Variants in CHSY3 observed in about 807,000 individuals in gnomAD.
CHSY3 encodes N-acetylgalactosaminyl-proteoglycan 3-beta-glucuronosyltransferase 3.
A neutral mutation model predicts 67.2 loss-of-function variants in CHSY3; 35 were observed. That is an observed-to-expected ratio of 0.52 (90% CI 0.40 to 0.69). The LOEUF (loss-of-function observed/expected upper bound fraction) is 0.69. CHSY3 is among the 30% of genes least tolerant of loss of function. The pLI, the probability that CHSY3 is intolerant of heterozygous loss-of-function variation, is 0.00. For synonymous variants in CHSY3, 474 were observed against 434.7 expected (o/e 1.09, Z -1.12); for missense variants, 1,069 against 1,138.5 (o/e 0.94, Z 0.88).
chr5:130,160,136 C>T (rs1047476092), intron 2 of CHSY3, among the ~76,000 whole-genome samples: 3 of 152,142 alleles, frequency 2.0e-5, no homozygotes, highest in Admixed American at 2.0e-4. Context: ...AAATCTGGAG[C>T]AGATTGAGTA....
chr5:130,035,912 T>C (rs1009579829), intron 2 of CHSY3, among the ~76,000 whole-genome samples: 15 of 136,390 alleles, frequency 1.1e-4, no homozygotes, highest in African/African-American at 4.3e-4. Context: ...TTTTTTTTTT[T>C]AGTGTTGCTT....
At chr5:130,121,488 C>A (rs915143273) in intron 2 of CHSY3, among the ~76,000 whole-genome samples, 1 of 152,088 alleles carries the variant, frequency 6.6e-6, no homozygotes, top group Non-Finnish European at 1.5e-5. Flanking sequence ...ATTAAAGGAG[C>A]TTCCTGCACT....
chr5:130,112,038 G>A (rs1016713374), intron 2 of CHSY3, among the ~76,000 whole-genome samples: 2 of 152,054 alleles, frequency 1.3e-5, no homozygotes, highest in Non-Finnish European at 2.9e-5. Context: ...AAGGGGCTGA[G>A]CCTCACTTCA....
chr5:130,141,571 A>G (rs188563811), intron 2 of CHSY3: 13 of 438,262 alleles, frequency 3.0e-5, no homozygotes, highest in African/African-American at 1.2e-4. Flanking sequence ...CATTGAATGT[A>G]TGGTCCAGGA....
At position 130,107,100 on chromosome 5, in the gene CHSY3, A is replaced by G. The variant is rs950541455; in HGVS notation, c.1087-77129A>G. ...ATGGGTAACTAAGTTTATTAATATG[A>G]TTATTTAACATAACATTGATAATAA... On this transcript the variant is annotated intron_variant, in intron 2 of 2. Transcript: ENST00000305031. Among the ~76,000 whole-genome samples the G allele has an allele frequency of 2.9e-4, 44 of 151,252 alleles. 1 individual carries two copies. Among genetic ancestry groups the G allele is most frequent in the Non-Finnish European group, 3.0e-5 (2 of 67,534 alleles).
chr5:130,098,117 C>G (rs531312782), intron 2 of CHSY3, among the ~76,000 whole-genome samples: 2 of 152,228 alleles, frequency 1.3e-5, no homozygotes, highest in African/African-American at 4.8e-5. Flanking sequence ...ATGTCACAAT[C>G]AAGGTATTGA....
intron 2 of CHSY3, among the ~76,000 whole-genome samples, chr5:129,930,821 A>G (rs919429340): frequency 6.6e-6 from 1 of 152,186 alleles, no homozygotes; most frequent in Non-Finnish European, 1.5e-5. Context: ...ATACTCTCCT[A>G]CTGCTGGGGA....
intron 2 of CHSY3, among the ~76,000 whole-genome samples, chr5:130,103,883 T>G (rs1767331795): frequency 1.3e-5 from 2 of 151,936 alleles, no homozygotes; most frequent in African/African-American, 4.8e-5. Context: ...CTTGAACTAG[T>G]GACCATACAT....
chr5:130,062,631 A>T (rs554284396), intron 2 of CHSY3, among the ~76,000 whole-genome samples: 1 of 152,242 alleles, frequency 6.6e-6, no homozygotes, highest in Admixed American at 6.6e-5. Context: ...TAATTTTTTT[A>T]AATGCAGTGA....
chr5:130,039,397 T>A (rs530096472), intron 2 of CHSY3, among the ~76,000 whole-genome samples: 1 of 126,666 alleles, frequency 7.9e-6, no homozygotes, highest in African/African-American at 2.7e-5. Context: ...GTGGCTGAGG[T>A]GGGATGATCT....
At chr5:130,114,426 CG>C (rs1240426390) in intron 2 of CHSY3, 2 of 151,980 alleles carry the variant, frequency 1.3e-5, no homozygotes, top group Non-Finnish European at 2.9e-5. Context: ...CCACCATGAA[CG>C]CGCCCAATCT....
chr5:130,144,873 G>C (rs930866726), intron 2 of CHSY3, among the ~76,000 whole-genome samples: 1 of 152,182 alleles, frequency 6.6e-6, no homozygotes, highest in Non-Finnish European at 1.5e-5. Flanking sequence ...CAGTTCTGCA[G>C]GCTGTAAGCC....
At position 129,959,809 on chromosome 5, in the gene CHSY3, G is replaced by T. The variant is rs147061471; in HGVS notation, c.1086+51449G>T. Among the ~76,000 whole-genome samples the T allele has an allele frequency of 1.1e-4, 16 of 152,028 alleles. No individual in the cohort carries two copies. In the East Asian group the frequency reaches 3.1e-3, roughly 29 times the overall value. Reference sequence around the variant, plus strand: ...CATGTTCATTTTGTTACAGTTTAAGGTACTGTTTTCTTTTTCCTTTTATTG... The same window carrying T: ...CATGTTCATTTTGTTACAGTTTAAGTTACTGTTTTCTTTTTCCTTTTATTG... On this transcript the variant is annotated intron_variant, in intron 2 of 2. Transcript: ENST00000305031.
intron 2 of CHSY3, among the ~76,000 whole-genome samples, chr5:130,092,796 A>G (rs192373443): frequency 6.5e-4 from 99 of 152,342 alleles, no homozygotes; most frequent in African/African-American, 2.3e-3. Context: ...CTGACCAACT[A>G]AAATTCAGGG....
At chr5:129,952,499 A>C (rs890232958) in intron 2 of CHSY3, among the ~76,000 whole-genome samples, 3 of 152,218 alleles carry the variant, frequency 2.0e-5, no homozygotes, top group African/African-American at 7.2e-5. Flanking sequence ...AATTTGCCTA[A>C]TAATCTATGT....
intron 2 of CHSY3, among the ~76,000 whole-genome samples, chr5:130,075,197 T>A (rs759728032): frequency 9.9e-5 from 15 of 152,164 alleles, no homozygotes; most frequent in Non-Finnish European, 1.9e-4. Flanking sequence ...TCCAACTCAT[T>A]ATTCTCCTTG....
chr5:130,101,192 G>A (rs1436835392), intron 2 of CHSY3, among the ~76,000 whole-genome samples: 1 of 152,274 alleles, frequency 6.6e-6, no homozygotes, highest in East Asian at 1.9e-4. Flanking sequence ...AACCATCCGA[G>A]TATTTTTTGT....
At chr5:130,020,123 A>AT (rs1017521979) in intron 2 of CHSY3, among the ~76,000 whole-genome samples, 2 of 151,902 alleles carry the variant, frequency 1.3e-5, no homozygotes, top group East Asian at 1.9e-4. Flanking sequence ...CTCAGGTTAA[A>AT]TTTTTTTCTC....
intron 2 of CHSY3, among the ~76,000 whole-genome samples, chr5:130,091,150 A>T (rs1413200023): frequency 2.0e-5 from 3 of 149,202 alleles, no homozygotes; most frequent in Admixed American, 6.7e-5. Flanking sequence ...ACGCGCGCAC[A>T]CACACACACA....
Sources: gnomAD v4.1 joint callset for allele counts (sites outside exome capture counted in the v4.1 genomes callset) on GRCh38, gnomAD v4.1.1 for gene constraint, MANE v1.5 for transcripts, NCBI Gene and HGNC (gene_info 2026-07-23, HGNC 2026-07-21) for gene names.